Variants in CAST observed in about 807,000 individuals in gnomAD.
The protein encoded by CAST is calpastatin, also known as MIR583 host.
A neutral mutation model predicts 119.6 loss-of-function variants in CAST; 76 were observed. The ratio of observed to expected loss-of-function variants is 0.64; its 90% CI spans 0.53 to 0.77. CAST has a LOEUF of 0.77. CAST is among the 30% of genes least tolerant of loss of function. The pLI, the probability that CAST is intolerant of heterozygous loss-of-function variation, is 0.00. For synonymous variants in CAST, 319 were observed against 331.6 expected (o/e 0.96, Z 0.41); for missense variants, 953 against 946.5 (o/e 1.01, Z -0.09).
chr5:96,180,338 G>A, the CAST span, among the ~76,000 whole-genome samples: 4 of 152,174 alleles, frequency 2.6e-5, no homozygotes, highest in Non-Finnish European at 5.9e-5. Context: ...AGTACACCAG[G>A]GGAGGTGTGA....
chr5:96,562,027 C>T (rs1236068302), intron 1 of CAST, among the ~76,000 whole-genome samples: 1 of 150,744 alleles, frequency 6.6e-6, no homozygotes, highest in Non-Finnish European at 1.5e-5. Flanking sequence ...CTCCTGACCT[C>T]GTGATCCGCC....
the CAST span, among the ~76,000 whole-genome samples, chr5:96,173,210 G>A: frequency 2.0e-5 from 3 of 152,130 alleles, no homozygotes; most frequent in African/African-American, 7.2e-5. Context: ...ACCACAAAAA[G>A]CAACTAAGAT....
the CAST span, among the ~76,000 whole-genome samples, chr5:96,297,753 A>G: frequency 8.5e-5 from 13 of 152,132 alleles, no homozygotes; most frequent in Non-Finnish European, 1.8e-4. Flanking sequence ...TATCTTAAGT[A>G]GTGGTATGGC....
chr5:96,599,109 C>T (rs1282513672), intron 1 of CAST, among the ~76,000 whole-genome samples: 1 of 152,194 alleles, frequency 6.6e-6, no homozygotes, highest in African/African-American at 2.4e-5. Flanking sequence ...CTGAAGAACC[C>T]TGACTAATAC....
At chr5:96,472,455 C>A in the CAST span, among the ~76,000 whole-genome samples, 3 of 152,070 alleles carry the variant, frequency 2.0e-5, no homozygotes, top group African/African-American at 7.2e-5. Context: ...TAGAATAGTA[C>A]CTTGAATATC....
the CAST span, among the ~76,000 whole-genome samples, chr5:95,973,677 A>G: frequency 6.6e-6 from 1 of 152,188 alleles, no homozygotes; most frequent in East Asian, 1.9e-4. Context: ...TCTATGCTAC[A>G]TTGATCTACG....
At chr5:96,743,976 T>G (rs1258162805) in intron 16 of CAST, among the ~76,000 whole-genome samples, 3 of 151,940 alleles carry the variant, frequency 2.0e-5, no homozygotes, top group Non-Finnish European at 2.9e-5. Context: ...GGAGAGACAA[T>G]TAATGTGGGA....
chr5:96,258,514 G>T, the CAST span, among the ~76,000 whole-genome samples: 1 of 152,240 alleles, frequency 6.6e-6, no homozygotes, highest in South Asian at 2.1e-4. Context: ...TCATAGTTTA[G>T]TTGGCAGCGT....
chr5:96,039,358 G>T, the CAST span, among the ~76,000 whole-genome samples: 2 of 152,130 alleles, frequency 1.3e-5, no homozygotes, highest in Non-Finnish European at 2.9e-5. Flanking sequence ...CTTTTGCTAT[G>T]CAGAAGCTCT....
chr5:96,389,275 A>T, the CAST span, among the ~76,000 whole-genome samples: 7 of 152,200 alleles, frequency 4.6e-5, no homozygotes, highest in Non-Finnish European at 7.3e-5. Flanking sequence ...ACAAAAGAAA[A>T]AAGGTAACTG....
chr5:96,234,313 AG>A, the CAST span, among the ~76,000 whole-genome samples: 24 of 152,218 alleles, frequency 1.6e-4, no homozygotes, highest in Non-Finnish European at 2.9e-4. Context: ...GGAAGGCCGT[AG>A]TAGGGAATGC....
chr5:96,339,160 G>A, the CAST span, among the ~76,000 whole-genome samples: 1 of 152,220 alleles, frequency 6.6e-6, no homozygotes, highest in East Asian at 1.9e-4. Flanking sequence ...AAGTACTTTA[G>A]CTGTGCAACT....
chr5:96,349,362 C>T, the CAST span, among the ~76,000 whole-genome samples: 3 of 151,798 alleles, frequency 2.0e-5, no homozygotes, highest in Non-Finnish European at 4.4e-5. Flanking sequence ...TTATTAACTT[C>T]TCTCTCCTTG....
At chr5:96,165,422 A>G in the CAST span, among the ~76,000 whole-genome samples, 1 of 152,152 alleles carries the variant, frequency 6.6e-6, no homozygotes, top group Non-Finnish European at 1.5e-5. Flanking sequence ...AATCCACTGT[A>G]TTTGTGCTTT....
the CAST span, among the ~76,000 whole-genome samples, chr5:96,512,720 G>A: frequency 9.0e-4 from 137 of 152,286 alleles, 1 homozygote; most frequent in African/African-American, 3.2e-3. Flanking sequence ...TATCAGCCAT[G>A]TTCCTTTCCA....
rs775888103 is a variant in CAST, at chr5:96,763,159, A to G, written c.1932+787A>G. On this transcript the variant is annotated intron_variant, in intron 25 of 31. Coordinates refer to ENST00000675179, the MANE Select transcript of CAST (RefSeq NM_001750.7). ...CTTCCATTCCGTTTGATGTAGCATC[A>G]AAGCATATTTAGTGCTGTAGTCTGA... is the stretch of plus-strand genomic sequence containing the variant. The G allele has an allele frequency of 5.1e-6, 4 of 780,442 alleles. No individual in the cohort carries two copies. In the African/African-American group the frequency reaches 6.8e-5, roughly 13 times the overall value. The allele number at this position is 780,442 out of a possible 1,614,324, so 48.3% of individuals were successfully genotyped here.
At chr5:96,770,179 C>T (rs1300593688) in intron 29 of CAST, 1 of 236,464 alleles carries the variant, frequency 4.2e-6, no homozygotes, top group African/African-American at 2.2e-5. Context: ...TCTACATCCC[C>T]ACTGACAGTG....
At chr5:96,712,606 G>A (rs1756396966) in intron 3 of CAST, among the ~76,000 whole-genome samples, 1 of 152,198 alleles carries the variant, frequency 6.6e-6, no homozygotes, top group Non-Finnish European at 1.5e-5. Context: ...TGGGATTATA[G>A]GCATGAGCCA....
the CAST span, among the ~76,000 whole-genome samples, chr5:96,100,890 T>C: frequency 2.2e-4 from 34 of 152,256 alleles, no homozygotes; most frequent in African/African-American, 7.7e-4. Flanking sequence ...ACAACATATA[T>C]GAAATATAAA....
Sources: allele counts gnomAD v4.1 joint callset (sites outside exome capture counted in the v4.1 genomes callset), GRCh38; gene constraint gnomAD v4.1.1; transcripts MANE v1.5; gene names NCBI Gene and HGNC (gene_info 2026-07-23, HGNC 2026-07-21).